The following STRA6 variants were observed in gnomAD, a reference collection of about 807,000 sequenced individuals.
The protein encoded by STRA6 is signaling receptor and transporter of retinol STRA6, also known as receptor for retinol uptake STRA6.
A neutral mutation model predicts 83.6 loss-of-function variants in STRA6; 48 were observed. That is an observed-to-expected ratio of 0.57 (90% CI 0.46 to 0.73). The LOEUF (loss-of-function observed/expected upper bound fraction) is 0.73, where lower values mean the gene tolerates loss of function less well. STRA6 is among the 30% of genes least tolerant of loss of function. The pLI is 0.00. For synonymous variants in STRA6, 353 were observed against 362.3 expected, an observed-to-expected ratio of 0.97 and a Z score of 0.29; for missense variants, 760 against 838.8, an observed-to-expected ratio of 0.91 and a Z score of 1.16.
chr15:74,210,733 A>C (rs1416063348), upstream of STRA6, among the ~76,000 whole-genome samples: 1 of 152,208 alleles, frequency 6.6e-6, no homozygotes, highest in Non-Finnish European at 1.5e-5. Context: ...CCAATATTGC[A>C]CACTTCCCAG....
intron 14 of STRA6, 103 bp downstream of exon 14, chr15:74,183,753 A>G: frequency 6.2e-7 from 1 of 1,603,728 alleles, no homozygotes; most frequent in Non-Finnish European, 8.5e-7. Flanking sequence ...TCCCAGACAA[A>G]CTCTGAGGGC....
chr15:74,194,217 CCT>C (rs1047006710), intron 7 of STRA6, among the ~76,000 whole-genome samples: 2 of 152,320 alleles, frequency 1.3e-5, no homozygotes, highest in Admixed American at 1.3e-4. Flanking sequence ...GGAAAGGACA[CCT>C]CTTTCTGTTT....
intron 2 of STRA6, among the ~76,000 whole-genome samples, chr15:74,200,109 A>T (rs1454314266): frequency 1.3e-5 from 2 of 152,174 alleles, no homozygotes; most frequent in Non-Finnish European, 2.9e-5. Context: ...AATCCCAGCT[A>T]CTCGGGAGGC....
At position 74,180,688 on chromosome 15, in the gene STRA6, C is replaced by T. The variant is rs1010705889; in HGVS notation, c.1840+94G>A. The T allele has an allele frequency of 4.0e-6, 6 of 1,503,070 alleles. No individual in the cohort carries two copies. The African/African-American group carries it at 7.0e-5, about 18-fold the overall frequency. The allele number at this position is 1,503,070 out of a possible 1,614,324, so 93.1% of individuals were successfully genotyped here. On this transcript the variant is annotated intron_variant, in intron 18 of 18. Coordinates refer to ENST00000395105, the MANE Select transcript of STRA6 (RefSeq NM_022369.4). Reference sequence around the variant, plus strand: ...AGGAAGAGAGGAAGTGAGAATTTTCCTGGCGCTCACTCTGTGTGCTGGGGA... The same window carrying T: ...AGGAAGAGAGGAAGTGAGAATTTTCTTGGCGCTCACTCTGTGTGCTGGGGA...
intron 17 of STRA6, 82 bp downstream of exon 17, chr15:74,181,213 G>A: frequency 6.4e-7 from 1 of 1,571,044 alleles, no homozygotes; most frequent in Non-Finnish European, 8.6e-7. Flanking sequence ...TGATCAGCTG[G>A]CACGGCCCTG....
intron 3 of STRA6, 79 bp from the exon 4 acceptor site, chr15:74,197,502 C>T (rs2073873791): frequency 7.8e-7 from 1 of 1,282,608 alleles, no homozygotes; most frequent in Admixed American, 2.0e-5. Flanking sequence ...TGGACTCAGG[C>T]CCCAGGATAT....
chr15:74,202,346 A>C lies in STRA6; in HGVS notation c.-15-64T>G, dbSNP rs192349455. On this transcript the variant is annotated intron_variant, in intron 1 of 18. Transcript: ENST00000395105. ...ATGTGAAAAGAGGCTTAAAAGAGAA[A>C]AAAAAAGAAAGAAAGACGGAAAACC... 4 of 1,570,020 alleles carry C rather than the reference A, an allele frequency of 2.5e-6. No homozygotes were observed. In the East Asian group the frequency reaches 9.1e-5, roughly 36 times the overall value.
At chr15:74,191,047 A>G (rs1390484060) in intron 10 of STRA6, 120 bp downstream of exon 10, 2 of 1,566,430 alleles carry the variant, frequency 1.3e-6, no homozygotes. Context: ...CCAAGCTGGT[A>G]GTTGTCCCTC....
At chr15:74,185,156 C>T (rs2073182060) in intron 12 of STRA6, 101 bp from the exon 13 acceptor site, 2 of 1,126,878 alleles carry the variant, frequency 1.8e-6, no homozygotes, top group South Asian at 2.6e-5. Flanking sequence ...GGAGTTCCCC[C>T]TGCCCCAAAC....
chr15:74,195,250 G>C (rs2073750855), intron 7 of STRA6, 52 bp downstream of exon 7: 4 of 1,599,530 alleles, frequency 2.5e-6, no homozygotes, highest in Non-Finnish European at 3.4e-6. Flanking sequence ...TGTGGTTTGA[G>C]TAGGTTGCTC....
chr15:74,197,837 C>T lies in STRA6; in HGVS notation c.114-19G>A. The T allele has an allele frequency of 1.2e-6, 2 of 1,611,768 alleles. No homozygotes were observed. The highest frequency in any genetic ancestry group is 1.3e-5 in the African/African-American group (1 of 75,052). On this transcript the variant is annotated intron_variant, in intron 2 of 18. Transcript: ENST00000395105. Reference sequence around the variant, plus strand: ...CACTTCCCTGCAGAGCAAATGAAGGCTGGCTCAGGCCTGCGTCAGGCCCCC... The same window carrying T: ...CACTTCCCTGCAGAGCAAATGAAGGTTGGCTCAGGCCTGCGTCAGGCCCCC...
At chr15:74,189,019 G>T (rs1051480613) in intron 12 of STRA6, 96 bp downstream of exon 12, 1 of 1,439,866 alleles carries the variant, frequency 6.9e-7, no homozygotes. Context: ...GTGTCCAAGG[G>T]CCCCCAGTGT....
chr15:74,208,038 C>T (rs932283433), intron 1 of STRA6: 24 of 1,348,288 alleles, frequency 1.8e-5, no homozygotes, highest in Non-Finnish European at 2.3e-5. Context: ...CCCTCACCAA[C>T]AGCATCATCA....
intron 7 of STRA6, chr15:74,194,768 G>GAT: frequency 3.2e-6 from 4 of 1,268,874 alleles, no homozygotes; most frequent in Non-Finnish European, 4.0e-6. Flanking sequence ...AAGTGGTGAA[G>GAT]CTGGATTCAC....
At chr15:74,197,538 T>G in intron 3 of STRA6, 115 bp from the exon 4 acceptor site, 2 of 1,101,840 alleles carry the variant, frequency 1.8e-6, no homozygotes, top group South Asian at 2.7e-5. Context: ...TGCACACTCA[T>G]GTGACATCTT....
rs139955041 is a variant in STRA6, at chr15:74,183,472, C to A, written c.1300+384G>T. ...TGTTGGCCAGGCTGGTCTTCATCTC[C>A]TGACTTCGTGATCCACCTGCCTCAG... On this transcript the variant is annotated intron_variant, in intron 14 of 18. Transcript: ENST00000395105. The A allele has an allele frequency of 1.5e-3, 1,679 of 1,137,066 alleles. 17 individuals are homozygous for A. The African/African-American group carries it at 0.021, about 14-fold the overall frequency. 70.4% of individuals were successfully genotyped at this position (1,137,066 alleles called of 1,614,324 possible). A position where few individuals can be genotyped will look rare whatever the true frequency, so the allele number is the denominator to read the frequency against.
chr15:74,195,202 G>T, intron 7 of STRA6, 100 bp downstream of exon 7: 1 of 1,547,056 alleles, frequency 6.5e-7, no homozygotes, highest in South Asian at 1.2e-5. Context: ...GAAGGCTGCA[G>T]GGCGGCCCAT....
intron 2 of STRA6, among the ~76,000 whole-genome samples, chr15:74,200,642 C>G (rs1196092637): frequency 6.6e-6 from 1 of 152,206 alleles, no homozygotes; most frequent in East Asian, 1.9e-4. Context: ...TTCCCCTGAG[C>G]TCCCAATTTT....
rs2074137533 is a variant in STRA6 at position 74,202,735 on chromosome 15, A to C, written c.-38T>G. The C allele has an allele frequency of 4.0e-6, 5 of 1,239,724 alleles. No individual in the cohort carries two copies. Among genetic ancestry groups the C allele is most frequent in the Non-Finnish European group, 5.0e-6 (5 of 992,690 alleles). The allele number at this position is 1,239,724 out of a possible 1,614,324, so 76.8% of individuals were successfully genotyped here. On this transcript the variant is annotated 5_prime_UTR_variant, in exon 1 of 19. Transcript: ENST00000395105. ...CACCAGAAGGGAGGCCCAGGGAGGA[A>C]GGAGTTGCAGAGATGAAAGGGTAGG...
Sources: gnomAD v4.1 joint callset for allele counts (sites outside exome capture counted in the v4.1 genomes callset) on GRCh38, gnomAD v4.1.1 for gene constraint, MANE v1.5 for transcripts, NCBI Gene and HGNC (gene_info 2026-07-23, HGNC 2026-07-21) for gene names.